The following HLTF variants were observed in gnomAD, a reference collection of about 807,000 sequenced individuals.
HLTF encodes DNA-dependent ATPase/E3 ubiquitin-protein ligase HLTF.
In HLTF, 127 loss-of-function variants were observed where a neutral mutation model predicts 129.4. The observed-to-expected ratio is 0.98, with a 90% confidence interval of 0.85 to 1.14. HLTF has a LOEUF of 1.14. Among genes scored for constraint, HLTF ranks in the 50% most tolerant of loss-of-function variants. The pLI, the probability that HLTF is intolerant of heterozygous loss-of-function variation, is 0.00. For synonymous variants in HLTF, 332 were observed against 388.8 expected (o/e 0.85, Z 1.72); for missense variants, 1,139 against 1,187.1 (o/e 0.96, Z 0.60).
intron 8 of HLTF, among the ~76,000 whole-genome samples, chr3:149,066,288 T>G (rs1426304391): frequency 1.3e-5 from 2 of 152,076 alleles, no homozygotes; most frequent in East Asian, 3.9e-4. Context: ...TCAGGTGATC[T>G]GCCCGCCTCA....
chr3:149,067,191 T>C (rs1316546419), intron 8 of HLTF, among the ~76,000 whole-genome samples: 1 of 151,262 alleles, frequency 6.6e-6, no homozygotes, highest in Non-Finnish European at 1.5e-5. Flanking sequence ...TATATGTATA[T>C]ATATACACAC....
intron 2 of HLTF, among the ~76,000 whole-genome samples, chr3:149,082,544 A>G (rs1719962615): frequency 6.6e-6 from 1 of 152,196 alleles, no homozygotes; most frequent in Non-Finnish European, 1.5e-5. Flanking sequence ...AGGATACAAG[A>G]TACTTTGAGG....
chr3:149,052,784 A>AT (rs1717102815), intron 14 of HLTF, among the ~76,000 whole-genome samples: 1 of 152,240 alleles, frequency 6.6e-6, no homozygotes, highest in Admixed American at 6.5e-5. Context: ...AAAGAATCCA[A>AT]TATGAGAAAA....
At position 149,064,852 on chromosome 3, in the gene HLTF, G is replaced by A. The variant is rs760977669; in HGVS notation, c.1005C>T (p.Asn335=). The change falls in exon 9 of 25, where the codon AAC becomes AAT. Residue 335 remains asparagine (N), a synonymous_variant. Coordinates refer to ENST00000310053, the MANE Select transcript of HLTF (RefSeq NM_003071.4). ...TTCCTCCAAGTTTCATAGAGTCATC[G>A]TTAACATTATATTCCTGGGTAAATA... The part of the protein sequence containing the change: ...KNLLKKEYNV[N]DDSMKLGGNN... 22 of 1,589,308 alleles carry A rather than the reference G, an allele frequency of 1.4e-5. No individual in the cohort carries two copies. Among genetic ancestry groups the A allele is most frequent in the South Asian group, 1.2e-4 (11 of 90,468 alleles).
intron 23 of HLTF, among the ~76,000 whole-genome samples, chr3:149,038,342 ATATT>A (rs1715824607): frequency 1.3e-5 from 2 of 152,174 alleles, no homozygotes; most frequent in Admixed American, 1.3e-4. Flanking sequence ...ATTACAGTTA[ATATT>A]TATTATAGAA....
intron 10 of HLTF, among the ~76,000 whole-genome samples, chr3:149,061,155 A>G (rs796321982): frequency 1.3e-5 from 2 of 152,264 alleles, no homozygotes; most frequent in African/African-American, 4.8e-5. Flanking sequence ...CTGCAACCTC[A>G]TACTCCTGGG....
chr3:149,080,947 C>T (rs1719808585), intron 2 of HLTF, among the ~76,000 whole-genome samples: 1 of 152,044 alleles, frequency 6.6e-6, no homozygotes, highest in Non-Finnish European at 1.5e-5. Context: ...ACAGTTGTTC[C>T]ACAAGATTAT....
intron 2 of HLTF, among the ~76,000 whole-genome samples, chr3:149,081,420 T>G (rs1321973653): frequency 6.6e-6 from 1 of 152,070 alleles, no homozygotes; most frequent in African/African-American, 2.4e-5. Context: ...TCAAATTAAG[T>G]GCTCAAATCG....
chr3:149,057,042 G>A (rs1471811930), intron 13 of HLTF, among the ~76,000 whole-genome samples: 2 of 147,434 alleles, frequency 1.4e-5, no homozygotes, highest in East Asian at 2.0e-4. Context: ...CCCAGGGGGC[G>A]GAGCCTGCAG....
At chr3:149,079,463 C>T (rs994489619) in intron 2 of HLTF, among the ~76,000 whole-genome samples, 11 of 145,298 alleles carry the variant, frequency 7.6e-5, no homozygotes, top group African/African-American at 2.8e-4. Context: ...AATTTTTGTC[C>T]TATCTCATTA....
chr3:149,061,487 T>C (rs776650200), intron 10 of HLTF, among the ~76,000 whole-genome samples: 29 of 152,014 alleles, frequency 1.9e-4, no homozygotes, highest in Non-Finnish European at 2.9e-5. Context: ...AAAATTTCAA[T>C]ACCAGGTTTA....
In HLTF at chr3:149,055,776, T is replaced by C. The variant is rs566460240; in HGVS notation, c.1376-376A>G. The stretch of plus-strand genomic sequence containing the variant: ...GATCTCTACTTCCTGATATTCACAA[T>C]CTTGTGTAATCTCCTCCCATACTCC... On this transcript the variant is annotated intron_variant, in intron 13 of 24. Coordinates refer to ENST00000310053, the MANE Select transcript of HLTF (RefSeq NM_003071.4). 4.6e-5 allele frequency among the ~76,000 whole-genome samples: 7 copies of C among 152,338 alleles called. No individual in the cohort carries two copies. In the East Asian group the frequency reaches 1.2e-3, roughly 25 times the overall value.
intron 23 of HLTF, among the ~76,000 whole-genome samples, chr3:149,038,649 A>G (rs1192958401): frequency 1.3e-5 from 2 of 152,108 alleles, no homozygotes; most frequent in Admixed American, 6.6e-5. Flanking sequence ...TGGGACTACA[A>G]GCACAAACCA....
chr3:149,079,749 T>C (rs1719716949), intron 2 of HLTF, among the ~76,000 whole-genome samples: 2 of 152,074 alleles, frequency 1.3e-5, no homozygotes, highest in Admixed American at 6.6e-5. Context: ...GGTGCCACCA[T>C]GCCCAGCTAA....
chr3:149,036,166 C>T (rs576257676), intron 23 of HLTF, among the ~76,000 whole-genome samples: 1 of 151,582 alleles, frequency 6.6e-6, no homozygotes, highest in South Asian at 2.1e-4. Flanking sequence ...AACACAACAA[C>T]AGCAATAAAA....
intron 9 of HLTF, 117 bp downstream of exon 9, chr3:149,064,674 C>A (rs1339058264): frequency 2.8e-6 from 2 of 705,064 alleles, no homozygotes; most frequent in South Asian, 1.7e-5. Flanking sequence ...TTGTACAGTA[C>A]AAAGCCAAAA....
chr3:149,084,033 A>G (rs574950737), intron 2 of HLTF, among the ~76,000 whole-genome samples: 1 of 152,330 alleles, frequency 6.6e-6, no homozygotes, highest in East Asian at 1.9e-4. Context: ...ATTTTATTAC[A>G]AAGATATATT....
intron 16 of HLTF, among the ~76,000 whole-genome samples, chr3:149,048,373 C>G (rs1362492204): frequency 6.6e-6 from 1 of 152,184 alleles, no homozygotes; most frequent in Non-Finnish European, 1.5e-5. Context: ...ATTTTTAGCT[C>G]TCACATGACA....
intron 17 of HLTF, among the ~76,000 whole-genome samples, chr3:149,046,942 G>A (rs1487460385): frequency 6.6e-6 from 1 of 152,148 alleles, no homozygotes; most frequent in African/African-American, 2.4e-5. Context: ...CTGCCAACTA[G>A]GTTAGTGGCT....
Sources: allele counts gnomAD v4.1 joint callset (sites outside exome capture counted in the v4.1 genomes callset), GRCh38; gene constraint gnomAD v4.1.1; transcripts MANE v1.5; gene names NCBI Gene and HGNC (gene_info 2026-07-23, HGNC 2026-07-21).